BRIP1: variants seen among roughly 807,000 people sequenced by gnomAD.
BRIP1 encodes the protein Fanconi anemia group J protein.
BRIP1 carries 88 observed loss-of-function variants against 119.7 expected under a neutral mutation model. The observed-to-expected ratio is 0.74, with a 90% CI of 0.62 to 0.88. The LOEUF (loss-of-function observed/expected upper bound fraction) is 0.88. BRIP1 is among the 40% of genes least tolerant of loss of function. The probability of loss-of-function intolerance (pLI) is 0.00; values close to 1 mark genes in which losing one functional copy is unlikely to be tolerated. For synonymous variants in BRIP1, 443 were observed against 496.5 expected, an observed-to-expected ratio of 0.89 and a Z score of 1.43; for missense variants, 1,259 against 1,455.4, an observed-to-expected ratio of 0.87 and a Z score of 2.20.
intron 11 of BRIP1, among the ~76,000 whole-genome samples, chr17:61,781,920 CA>C (rs10710869): frequency 0.72 from 92,048 of 128,674 alleles, 32,106 homozygotes; most frequent in East Asian, 0.85. Context: ...GACTCCATCT[CA>C]AAAAAAAAAA....
At chr17:61,817,928 AC>A (rs1169282962) in intron 6 of BRIP1, among the ~76,000 whole-genome samples, 1 of 152,208 alleles carries the variant, frequency 6.6e-6, no homozygotes, top group Non-Finnish European at 1.5e-5. Context: ...AGACTAGTAA[AC>A]TACTTTTCTT....
intron 11 of BRIP1, among the ~76,000 whole-genome samples, chr17:61,782,136 A>G (rs184777759): frequency 8.5e-5 from 13 of 152,168 alleles, no homozygotes; most frequent in Admixed American, 3.9e-4. Flanking sequence ...CTGTAATCCC[A>G]GCACTTTGGG....
rs587781666 is a variant in BRIP1, at chr17:61,683,809, A to C, written c.3237T>G (p.Ile1079Met). ...QSETIISSLKIDATLTRKNHS... is the reference protein window; with the variant it reads ...QSETIISSLKMDATLTRKNHS... Reference sequence around the variant, plus strand: ...GATTTTTTCTAGTAAGGGTGGCATCAATCTTTAATGATGAAATAATGGTTT... The same window carrying C: ...GATTTTTTCTAGTAAGGGTGGCATCCATCTTTAATGATGAAATAATGGTTT... Residue 1079 changes from isoleucine (I) to methionine (M), a missense_variant, in exon 20 of 20, where the codon ATT becomes ATG. Transcript: ENST00000259008. The surrounding 1 kb of genome is among the most constrained non-coding windows in gnomAD (Gnocchi z 4.7). 5.6e-6 allele frequency: 9 copies of C among 1,614,074 alleles called. No homozygotes were observed. In the African/African-American group the frequency reaches 1.2e-4, roughly 22 times the overall value.
chr17:61,750,610 T>G (rs1244742403), intron 14 of BRIP1, among the ~76,000 whole-genome samples: 2 of 151,858 alleles, frequency 1.3e-5, no homozygotes, highest in Non-Finnish European at 2.9e-5. Flanking sequence ...GATAAAAGAT[T>G]AATATCCAGA....
chr17:61,787,318 C>CTATATAAAATATATAAAAATATATAA (rs2077740012), intron 10 of BRIP1, among the ~76,000 whole-genome samples: 3 of 104,122 alleles, frequency 2.9e-5, no homozygotes, highest in Non-Finnish European at 5.4e-5. Flanking sequence ...ATATTATATA[C>CTATATAAAATATATAAAAATATATAA]TATATAAAAT....
At position 61,793,825 on chromosome 17, in the gene BRIP1, C is replaced by T. The variant is rs2145248455; in HGVS notation, c.1341-96G>A. ...ATCATCATTATTGTCATGCGTTGAT[C>T]TGTATATCTTGACATTCTTAGGACA... On this transcript the variant is annotated intron_variant, in intron 9 of 19. Transcript: ENST00000259008. The surrounding 1 kb of genome is among the most constrained non-coding windows in gnomAD (Gnocchi z 5.2). 1 of 1,302,194 alleles carries T rather than the reference C, an allele frequency of 7.7e-7. No homozygotes were observed. The highest frequency in any genetic ancestry group is 1.0e-6 in the Non-Finnish European group (1 of 952,766). The allele number at this position is 1,302,194 out of a possible 1,614,324, so 80.7% of individuals were successfully genotyped here. A position where few individuals can be genotyped will look rare whatever the true frequency, so the allele number is the denominator to read the frequency against.
chr17:61,818,030 A>G (rs963884769), intron 6 of BRIP1, among the ~76,000 whole-genome samples: 1 of 152,278 alleles, frequency 6.6e-6, no homozygotes, highest in Admixed American at 6.5e-5. Context: ...TTGAAAATAA[A>G]TAAGTGAGAA....
At chr17:61,837,679 T>C (rs1352677155) in intron 6 of BRIP1, among the ~76,000 whole-genome samples, 2 of 152,050 alleles carry the variant, frequency 1.3e-5, no homozygotes, top group South Asian at 2.1e-4. Context: ...CAAAGTAATA[T>C]CAAAACGTTA....
In BRIP1 at chr17:61,701,706, A is replaced by AT. The variant is rs901645221; in HGVS notation, c.2493-8195dup. 6.6e-6 allele frequency among the ~76,000 whole-genome samples: 1 copy of AT among 152,086 alleles called. No homozygotes were observed. The highest frequency in any genetic ancestry group is 2.4e-5 in the African/African-American group (1 of 41,406). On this transcript the variant is annotated intron_variant, in intron 17 of 19. Transcript: ENST00000259008. The surrounding 1 kb of genome is among the most constrained non-coding windows in gnomAD (Gnocchi z 5.1). Reference sequence around the variant, plus strand: ...TGCATTCCTCAGCTTTTCTCTTTACATTTTTTGGCTAGCCTCTCACTTGCC... The same window carrying AT: ...TGCATTCCTCAGCTTTTCTCTTTACATTTTTTTGGCTAGCCTCTCACTTGCC...
At chr17:61,688,773 T>C (rs2061399858) in intron 18 of BRIP1, among the ~76,000 whole-genome samples, 3 of 146,786 alleles carry the variant, frequency 2.0e-5, no homozygotes, top group Middle Eastern at 3.6e-3. Context: ...AAAAAAGCTA[T>C]ATGAATTACC....
intron 6 of BRIP1, among the ~76,000 whole-genome samples, chr17:61,840,371 A>AG (rs1411371407): frequency 2.6e-5 from 4 of 151,622 alleles, no homozygotes; most frequent in Non-Finnish European, 5.9e-5. Flanking sequence ...AAAAAAAAAA[A>AG]AAAAGAAAAG....
rs1027277882 is a variant in BRIP1, at chr17:61,740,278, C to T, written c.2379+2735G>A. Reference sequence around the variant, plus strand: ...ATGGACAAAAGACCCCAGGATTCCCCGGAGGAACCCATGAGTCTGTGGTTA... The same window carrying T: ...ATGGACAAAAGACCCCAGGATTCCCTGGAGGAACCCATGAGTCTGTGGTTA... On this transcript the variant is annotated intron_variant, in intron 16 of 19. Transcript: ENST00000259008. This position sits in a 1 kb window ranked among gnomAD's most constrained non-coding sequence, Gnocchi z 5.4. 1.3e-5 allele frequency among the ~76,000 whole-genome samples: 2 copies of T among 152,096 alleles called. No homozygotes were observed. The highest frequency in any genetic ancestry group is 4.8e-5 in the African/African-American group (2 of 41,410).
At position 61,695,345 on chromosome 17, in the gene BRIP1, T is replaced by C. The variant is rs957961975; in HGVS notation, c.2493-1833A>G. On this transcript the variant is annotated intron_variant, in intron 17 of 19. Coordinates refer to ENST00000259008, the MANE Select transcript of BRIP1 (RefSeq NM_032043.3). The surrounding 1 kb of genome is among the most constrained non-coding windows in gnomAD (Gnocchi z 4.3). ...ACCCTCAATTCTACCCATTGATCTA[T>C]ACATCTGTCTTTATGCCAGTACAAC... 6.6e-6 allele frequency among the ~76,000 whole-genome samples: 1 copy of C among 152,174 alleles called. No homozygotes were observed. The highest frequency in any genetic ancestry group is 2.4e-5 in the African/African-American group (1 of 41,462).
rs899811789 is a variant in BRIP1 at position 61,758,711 on chromosome 17, G to A, written c.2098-14120C>T. On this transcript the variant is annotated intron_variant, in intron 14 of 19. Coordinates refer to ENST00000259008, the MANE Select transcript of BRIP1 (RefSeq NM_032043.3). The surrounding 1 kb of genome is among the most constrained non-coding windows in gnomAD (Gnocchi z 5.3). ...AAATAATTCACAATGCTGGGTGGGC[G>A]TGGTCACTCATGCCTGTAATTCCAG... Among the ~76,000 whole-genome samples the A allele has an allele frequency of 3.9e-5, 6 of 152,148 alleles. No individual in the cohort carries two copies. The highest frequency in any genetic ancestry group is 1.3e-4 in the Admixed American group (2 of 15,254).
chr17:61,753,573 G>A lies in BRIP1; in HGVS notation c.2098-8982C>T, dbSNP rs900947097. Among the ~76,000 whole-genome samples, 2 of 151,458 alleles carry A rather than the reference G, an allele frequency of 1.3e-5. No homozygotes were observed. The highest frequency in any genetic ancestry group is 4.8e-5 in the African/African-American group (2 of 41,260). The stretch of plus-strand genomic sequence containing the variant: ...TGGGAGAGTACAGATTTAAAAGGGG[G>A]GACCAGCAAGAAAATCTTATTTCCT... On this transcript the variant is annotated intron_variant, in intron 14 of 19. Transcript: ENST00000259008. This position sits in a 1 kb window ranked among gnomAD's most constrained non-coding sequence, Gnocchi z 4.6.
Position 61,808,900 on chromosome 17 carries a change from C to T in BRIP1, c.628-143G>A. ...TAACAAGAAATTATAGTATCTAAAACTTGCCATTAAAGAAAAAACTACAAT... is the reference window on the plus strand; with the variant it reads ...TAACAAGAAATTATAGTATCTAAAATTTGCCATTAAAGAAAAAACTACAAT... On this transcript the variant is annotated intron_variant, in intron 6 of 19. Coordinates refer to ENST00000259008, the MANE Select transcript of BRIP1 (RefSeq NM_032043.3). The surrounding 1 kb of genome is among the most constrained non-coding windows in gnomAD (Gnocchi z 4.1). 2.3e-6 allele frequency: 2 copies of T among 857,190 alleles called. No individual in the cohort carries two copies. The highest frequency in any genetic ancestry group is 1.7e-5 in the South Asian group (1 of 57,316). The allele number at this position is 857,190 out of a possible 1,614,324, so 53.1% of individuals were successfully genotyped here. A position where few individuals can be genotyped will look rare whatever the true frequency, so the allele number is the denominator to read the frequency against.
intron 10 of BRIP1, among the ~76,000 whole-genome samples, chr17:61,792,734 C>T (rs1165661484): frequency 1.3e-5 from 2 of 152,100 alleles, no homozygotes; most frequent in African/African-American, 4.8e-5. Context: ...TGAACACACT[C>T]TGTATGATAC....
chr17:61,726,936 CAT>C lies in BRIP1; in HGVS notation c.2380-10875_2380-10874del, dbSNP rs1314319046. ...TCTAGAGTTTTTCTTGTTAAAGTCA[CAT>C]ATGAGAGCCCGATAACTGTGAATAA... is the stretch of plus-strand genomic sequence containing the variant. On this transcript the variant is annotated intron_variant, in intron 16 of 19. Transcript: ENST00000259008. The surrounding 1 kb of genome is among the most constrained non-coding windows in gnomAD (Gnocchi z 6.2). Among the ~76,000 whole-genome samples, 1 of 152,120 alleles carries C rather than the reference CAT, an allele frequency of 6.6e-6. No homozygotes were observed. Among genetic ancestry groups the C allele is most frequent in the Admixed American group, 6.6e-5 (1 of 15,266 alleles).
chr17:61,808,227 C>G lies in BRIP1; in HGVS notation c.918+240G>C, dbSNP rs2078102365. Among the ~76,000 whole-genome samples, 1 of 152,072 alleles carries G rather than the reference C, an allele frequency of 6.6e-6. No homozygotes were observed. Among genetic ancestry groups the G allele is most frequent in the Admixed American group, 6.6e-5 (1 of 15,262 alleles). Reference sequence around the variant, plus strand: ...TAAAAGAAGAAACTAAGATGTCTGACTACAACAGAAATTAATTTCAAGGAA... The same window carrying G: ...TAAAAGAAGAAACTAAGATGTCTGAGTACAACAGAAATTAATTTCAAGGAA... On this transcript the variant is annotated intron_variant, in intron 7 of 19. Transcript: ENST00000259008. This position sits in a 1 kb window ranked among gnomAD's most constrained non-coding sequence, Gnocchi z 4.1.
Sources: gnomAD v4.1 joint callset for allele counts (sites outside exome capture counted in the v4.1 genomes callset) on GRCh38, gnomAD v4.1.1 for gene constraint, Gnocchi (gnomAD v3.1) non-coding constraint, MANE v1.5 for transcripts, NCBI Gene and HGNC (gene_info 2026-07-23, HGNC 2026-07-21) for gene names.